Variants in RGS22 observed in about 807,000 individuals in gnomAD.
RGS22 encodes the protein regulator of G-protein signaling 22.
A neutral mutation model predicts 172.9 loss-of-function variants in RGS22; 148 were observed. The ratio of observed to expected loss-of-function variants is 0.86; its 90% CI spans 0.75 to 0.98. The LOEUF is 0.98. Among genes scored for constraint, RGS22 ranks in the 50% least tolerant of loss-of-function variants. The pLI, the probability that RGS22 is intolerant of heterozygous loss-of-function variation, is 0.00. For synonymous variants in RGS22, 458 were observed against 480.2 expected (o/e 0.95, Z 0.60); for missense variants, 1,347 against 1,440.8 (o/e 0.93, Z 1.05).
At chr8:99,969,733 C>T (rs1811129884) in intron 23 of RGS22, among the ~76,000 whole-genome samples, 1 of 152,162 alleles carries the variant, frequency 6.6e-6, no homozygotes, top group Admixed American at 6.5e-5. Flanking sequence ...ATTCATAAAG[C>T]AAGTTCTTAG....
At chr8:99,981,804 T>A in intron 22 of RGS22, 133 bp downstream of exon 22, 1 of 584,934 alleles carries the variant, frequency 1.7e-6, no homozygotes, top group Non-Finnish European at 2.7e-6. Flanking sequence ...TCAAACAATC[T>A]GCCTGCCTCA....
chr8:100,039,353 C>T (rs1412475527), intron 13 of RGS22, among the ~76,000 whole-genome samples: 2 of 150,308 alleles, frequency 1.3e-5, no homozygotes, highest in Non-Finnish European at 2.9e-5. Context: ...CCAAACATTA[C>T]TCTAGTAATT....
chr8:99,991,133 G>C (rs1023013910), intron 20 of RGS22, among the ~76,000 whole-genome samples: 8 of 152,194 alleles, frequency 5.3e-5, no homozygotes, highest in Non-Finnish European at 1.0e-4. Context: ...AAGACCAAAG[G>C]TAGATAAAAC....
At chr8:100,042,350 T>A (rs1198689563) in intron 11 of RGS22, among the ~76,000 whole-genome samples, 1 of 152,196 alleles carries the variant, frequency 6.6e-6, no homozygotes, top group Non-Finnish European at 1.5e-5. Flanking sequence ...AAGGTAGGTA[T>A]GGAAATCCTT....
chr8:99,989,927 T>TAGAC (rs896230065), intron 20 of RGS22, among the ~76,000 whole-genome samples: 1 of 151,638 alleles, frequency 6.6e-6, no homozygotes, highest in African/African-American at 2.4e-5. Context: ...GATAGACAGA[T>TAGAC]AGACAGACAG....
intron 16 of RGS22, among the ~76,000 whole-genome samples, chr8:100,005,214 AG>A (rs1815560442): frequency 6.6e-6 from 1 of 152,112 alleles, no homozygotes; most frequent in Non-Finnish European, 1.5e-5. Context: ...ATATGTACAA[AG>A]AAGAAAGTTT....
chr8:100,037,547 T>G (rs1020568789), intron 14 of RGS22, among the ~76,000 whole-genome samples: 1 of 152,106 alleles, frequency 6.6e-6, no homozygotes, highest in Non-Finnish European at 1.5e-5. Context: ...ACCAAAACTG[T>G]GTGGTTTTAC....
intron 23 of RGS22, among the ~76,000 whole-genome samples, chr8:99,967,340 T>C (rs1215231297): frequency 2.0e-5 from 3 of 151,908 alleles, no homozygotes; most frequent in Admixed American, 1.3e-4. Context: ...TTTGTTTTTT[T>C]TTTTTGTACC....
At chr8:100,098,525 T>C (rs1360623433) in intron 2 of RGS22, among the ~76,000 whole-genome samples, 1 of 152,170 alleles carries the variant, frequency 6.6e-6, no homozygotes. Context: ...CAAAATTATA[T>C]TTTCTTAGAA....
At chr8:99,964,585 T>C (rs915213034) in intron 24 of RGS22, among the ~76,000 whole-genome samples, 12 of 151,992 alleles carry the variant, frequency 7.9e-5, no homozygotes, top group Admixed American at 7.9e-4. Context: ...AATTTAATGC[T>C]AGTCATTTGC....
rs767019203 is a variant in RGS22, at chr8:100,105,881, T to C, written c.25+16A>G. ...GCCGCGGGCTGATCCTCTGTCCCTG[T>C]GGGGCCGCCACCTACCCGCGGTGAG... is the stretch of plus-strand genomic sequence containing the variant. On this transcript the variant is annotated intron_variant, in intron 1 of 27. Transcript: ENST00000360863. 8.0e-6 allele frequency: 12 copies of C among 1,504,222 alleles called. 1 individual carries two copies. Among genetic ancestry groups the C allele is most frequent in the South Asian group, 2.5e-5 (2 of 79,680 alleles). 93.2% of individuals were successfully genotyped at this position (1,504,222 alleles called of 1,614,324 possible). A position where few individuals can be genotyped will look rare whatever the true frequency, so the allele number is the denominator to read the frequency against.
intron 20 of RGS22, among the ~76,000 whole-genome samples, chr8:99,994,242 G>A (rs1814097844): frequency 1.3e-5 from 2 of 152,046 alleles, no homozygotes; most frequent in Admixed American, 6.6e-5. Context: ...CCTATTCAAT[G>A]TAGTGTTGGA....
intron 10 of RGS22, among the ~76,000 whole-genome samples, chr8:100,050,290 C>A (rs560647492): frequency 4.2e-4 from 64 of 152,212 alleles, no homozygotes; most frequent in Admixed American, 1.3e-3. Context: ...GTTCAGGAAG[C>A]GTTGAGAACT....
At chr8:100,089,682 C>T (rs1354437416) in intron 3 of RGS22, among the ~76,000 whole-genome samples, 1 of 152,272 alleles carries the variant, frequency 6.6e-6, no homozygotes, top group South Asian at 2.1e-4. Flanking sequence ...TTATTGAGTG[C>T]TTTCTGTGCT....
intron 3 of RGS22, among the ~76,000 whole-genome samples, chr8:100,081,634 C>T (rs1811767892): frequency 6.6e-6 from 1 of 151,964 alleles, no homozygotes; most frequent in African/African-American, 2.4e-5. Context: ...GTCTTTCAAA[C>T]ATGGGATTCA....
chr8:99,976,639 G>C (rs554586936), intron 23 of RGS22, among the ~76,000 whole-genome samples: 1 of 152,190 alleles, frequency 6.6e-6, no homozygotes, highest in Non-Finnish European at 1.5e-5. Flanking sequence ...GGGATTACAG[G>C]CGTGAGCCAC....
chr8:100,091,989 T>G (rs1416290178), intron 3 of RGS22: 1 of 152,150 alleles, frequency 6.6e-6, no homozygotes, highest in Non-Finnish European at 1.5e-5. Flanking sequence ...GAGACCTAGC[T>G]ATGCCCAACA....
chr8:99,997,766 A>G (rs1370244771), intron 19 of RGS22, among the ~76,000 whole-genome samples: 2 of 152,220 alleles, frequency 1.3e-5, no homozygotes, highest in South Asian at 2.1e-4. Context: ...TAAATTATCA[A>G]AGAAATACTT....
chr8:99,971,244 T>A (rs1811306711), intron 23 of RGS22, among the ~76,000 whole-genome samples: 1 of 152,178 alleles, frequency 6.6e-6, no homozygotes, highest in Admixed American at 6.5e-5. Context: ...ATAAGGTCAA[T>A]TTATGAAAAA....
Sources: allele counts gnomAD v4.1 joint callset (sites outside exome capture counted in the v4.1 genomes callset), GRCh38; gene constraint gnomAD v4.1.1; transcripts MANE v1.5; gene names NCBI Gene and HGNC (gene_info 2026-07-23, HGNC 2026-07-21).